Variants in TRAF3IP1 observed in about 807,000 individuals in gnomAD.
TRAF3IP1 encodes the protein TRAF3-interacting protein 1.
A neutral mutation model predicts 89.9 loss-of-function variants in TRAF3IP1; 53 were observed. That is an observed-to-expected ratio of 0.59 (90% CI 0.47 to 0.74). TRAF3IP1 has a LOEUF of 0.74. TRAF3IP1 is among the 30% of genes least tolerant of loss of function. The pLI is 0.00. For missense variants in TRAF3IP1, 806 were observed against 866.1 expected, an observed-to-expected ratio of 0.93 and a Z score of 0.87; for synonymous variants, 311 against 322.1, an observed-to-expected ratio of 0.97 and a Z score of 0.37.
At chr2:238,350,326 G>T (rs2106395254) in intron 12 of TRAF3IP1, among the ~76,000 whole-genome samples, 1 of 152,304 alleles carries the variant, frequency 6.6e-6, no homozygotes, top group Non-Finnish European at 1.5e-5. Flanking sequence ...GTGGGACAGG[G>T]GTTTGGTGGA....
chr2:238,326,905 C>T (rs1321734088), intron 3 of TRAF3IP1, among the ~76,000 whole-genome samples: 1 of 152,206 alleles, frequency 6.6e-6, no homozygotes, highest in Non-Finnish European at 1.5e-5. Flanking sequence ...TGCCAGTACA[C>T]TGGCCTCTGT....
At position 238,345,773 on chromosome 2, in the gene TRAF3IP1, C is replaced by T. The variant is rs903641536; in HGVS notation, c.1261+1175C>T. Among the ~76,000 whole-genome samples the T allele has an allele frequency of 2.4e-4, 37 of 151,950 alleles. No individual in the cohort carries two copies. Among genetic ancestry groups the T allele is most frequent in the East Asian group, 1.9e-4 (1 of 5,166 alleles). The stretch of plus-strand genomic sequence containing the variant: ...AGAGAGGAGCTGTGAGAGTTGCTGG[C>T]GCTGGGTGATGGCAGGAGCCTGGGT... On this transcript the variant is annotated intron_variant, in intron 9 of 16. Coordinates refer to ENST00000373327, the MANE Select transcript of TRAF3IP1 (RefSeq NM_015650.4). This position sits in a 1 kb window ranked among gnomAD's most constrained non-coding sequence, Gnocchi z 4.7.
intron 3 of TRAF3IP1, among the ~76,000 whole-genome samples, chr2:238,327,438 T>C (rs904939438): frequency 2.0e-5 from 3 of 152,144 alleles, no homozygotes; most frequent in Non-Finnish European, 4.4e-5. Context: ...CATGTGCTTG[T>C]GGAATGAGTG....
chr2:238,369,587 T>C (rs2106348867), intron 15 of TRAF3IP1, among the ~76,000 whole-genome samples: 1 of 152,258 alleles, frequency 6.6e-6, no homozygotes, highest in African/African-American at 2.4e-5. Flanking sequence ...AGTCAGACTT[T>C]GCATCCTGGG....
At chr2:238,333,503 GGA>G (rs923430946) in intron 6 of TRAF3IP1, among the ~76,000 whole-genome samples, 12 of 152,222 alleles carry the variant, frequency 7.9e-5, no homozygotes, top group African/African-American at 2.9e-4. Flanking sequence ...GCCAGTTAGG[GGA>G]GAGAGGTGGT....
intron 10 of TRAF3IP1, among the ~76,000 whole-genome samples, chr2:238,347,860 C>A (rs6752355): frequency 0.12 from 17,695 of 152,042 alleles, 1,743 homozygotes; most frequent in African/African-American, 0.27. Flanking sequence ...CTCCTGACCT[C>A]AGGTGATCCA....
In TRAF3IP1 at chr2:238,329,015, A is replaced by AAAGGAC. The variant is rs568994925; in HGVS notation, c.600_605dup (p.Asp200_Lys201dup). On this transcript the variant is annotated inframe_insertion, in exon 5 of 17. Transcript: ENST00000373327. ...TGAAAGAAGACCGCAAGCCAAGAGA[A>AAAGGAC]AAGGACAAGGACAAGGAGAAGGCCA... The AAAGGAC allele has an allele frequency of 7.7e-6, 12 of 1,551,884 alleles. No homozygotes were observed. The Admixed American group carries it at 2.0e-4, about 25-fold the overall frequency.
At chr2:238,383,050 G>C (rs1700614363) in intron 15 of TRAF3IP1, among the ~76,000 whole-genome samples, 1 of 152,086 alleles carries the variant, frequency 6.6e-6, no homozygotes, top group East Asian at 1.9e-4. Flanking sequence ...TCTACACACT[G>C]TCCTCCAGCC....
At chr2:238,386,828 T>TA in intron 15 of TRAF3IP1, among the ~76,000 whole-genome samples, 1 of 152,082 alleles carries the variant, frequency 6.6e-6, no homozygotes, top group South Asian at 2.1e-4. Context: ...CAAGCTCACT[T>TA]ACGCTGGCTT....
At chr2:238,369,603 A>T (rs1185569008) in intron 15 of TRAF3IP1, among the ~76,000 whole-genome samples, 2 of 151,526 alleles carry the variant, frequency 1.3e-5, no homozygotes, top group African/African-American at 2.4e-5. Context: ...CTGGGCCGAA[A>T]CCTTCCAGAA....
At chr2:238,341,194 T>G (rs1698635925) in intron 8 of TRAF3IP1, among the ~76,000 whole-genome samples, 1 of 151,790 alleles carries the variant, frequency 6.6e-6, no homozygotes, top group Admixed American at 6.6e-5. Context: ...CTAATTTTTT[T>G]TTTTTTTTTG....
At chr2:238,388,173 A>C (rs1305300941) in intron 15 of TRAF3IP1, among the ~76,000 whole-genome samples, 5 of 152,084 alleles carry the variant, frequency 3.3e-5, no homozygotes, top group Non-Finnish European at 7.4e-5. Flanking sequence ...TCAGGAGTTC[A>C]AGACTAGCCT....
chr2:238,372,467 T>C (rs1429009128), intron 15 of TRAF3IP1, among the ~76,000 whole-genome samples: 1 of 152,360 alleles, frequency 6.6e-6, no homozygotes, highest in Non-Finnish European at 1.5e-5. Context: ...AACTCATCCC[T>C]TTTTTATAGC....
intron 1 of TRAF3IP1, among the ~76,000 whole-genome samples, chr2:238,324,025 A>G (rs1697688158): frequency 6.6e-6 from 1 of 152,190 alleles, no homozygotes; most frequent in Admixed American, 6.5e-5. Flanking sequence ...AGACCCTTGC[A>G]GAACTTCTAG....
In TRAF3IP1 at chr2:238,345,704, G is replaced by A. The variant is rs146500483; in HGVS notation, c.1261+1106G>A. Among the ~76,000 whole-genome samples, 44 of 152,278 alleles carry A rather than the reference G, an allele frequency of 2.9e-4. No individual in the cohort carries two copies. The East Asian group carries it at 5.2e-3, about 18-fold the overall frequency. On this transcript the variant is annotated intron_variant, in intron 9 of 16. Coordinates refer to ENST00000373327, the MANE Select transcript of TRAF3IP1 (RefSeq NM_015650.4). The surrounding 1 kb of genome is among the most constrained non-coding windows in gnomAD (Gnocchi z 4.7). Reference sequence around the variant, plus strand: ...GGTAGGATTCCAGGGCTGCTGGCACGTGCTGGGGGAGCTGGCCTGGAGCGT... The same window carrying A: ...GGTAGGATTCCAGGGCTGCTGGCACATGCTGGGGGAGCTGGCCTGGAGCGT...
intron 15 of TRAF3IP1, among the ~76,000 whole-genome samples, chr2:238,364,342 T>C (rs1699784673): frequency 6.6e-6 from 1 of 152,174 alleles, no homozygotes. Context: ...ATCCTGACTT[T>C]TTTGCTCTCT....
Position 238,345,329 on chromosome 2 carries a change from C to T in TRAF3IP1, c.1261+731C>T, listed in dbSNP as rs78471523. Reference sequence around the variant, plus strand: ...GTGCAGATGAGGCTCGAAGATCAACCGAAATCGTTTGATGGGGTGGCAGTC... The same window carrying T: ...GTGCAGATGAGGCTCGAAGATCAACTGAAATCGTTTGATGGGGTGGCAGTC... On this transcript the variant is annotated intron_variant, in intron 9 of 16. Transcript: ENST00000373327. The surrounding 1 kb of genome is among the most constrained non-coding windows in gnomAD (Gnocchi z 4.7). Among the ~76,000 whole-genome samples, 90 of 152,328 alleles carry T rather than the reference C, an allele frequency of 5.9e-4. No homozygotes were observed. Among genetic ancestry groups the T allele is most frequent in the East Asian group, 5.4e-3 (28 of 5,180 alleles).
chr2:238,388,111 T>C (rs1292202789), intron 15 of TRAF3IP1, among the ~76,000 whole-genome samples: 2 of 151,964 alleles, frequency 1.3e-5, no homozygotes, highest in African/African-American at 4.8e-5. Flanking sequence ...CGGTGGCTTA[T>C]GCCTGTTATC....
In TRAF3IP1 at chr2:238,360,886, A is replaced by T. The variant is rs182358571; in HGVS notation, c.1689+4806A>T. Reference sequence around the variant, plus strand: ...CAAAGTGAGATTCCGTCTCAAAAAAATTTTTTTTCATAGTTGTAATTTGCA... The same window carrying T: ...CAAAGTGAGATTCCGTCTCAAAAAATTTTTTTTTCATAGTTGTAATTTGCA... On this transcript the variant is annotated intron_variant, in intron 15 of 16. Transcript: ENST00000373327. Among the ~76,000 whole-genome samples the T allele has an allele frequency of 5.9e-5, 9 of 151,772 alleles. No homozygotes were observed. The East Asian group carries it at 9.7e-4, about 16-fold the overall frequency.
Sources: allele counts gnomAD v4.1 joint callset (sites outside exome capture counted in the v4.1 genomes callset), GRCh38; gene constraint gnomAD v4.1.1; non-coding constraint Gnocchi (gnomAD v3.1); transcripts MANE v1.5; gene names NCBI Gene and HGNC (gene_info 2026-07-23, HGNC 2026-07-21).